Variants in CSMD1 observed in about 807,000 individuals in gnomAD.
CSMD1 encodes CUB and Sushi multiple domains 1.
A neutral mutation model predicts 417.5 loss-of-function variants in CSMD1; 213 were observed. The observed-to-expected ratio is 0.51, with a 90% CI of 0.46 to 0.57. The LOEUF (loss-of-function observed/expected upper bound fraction) is 0.57, where lower values mean the gene tolerates loss of function less well. CSMD1 is among the 20% of genes least tolerant of loss of function. The pLI, the probability that CSMD1 is intolerant of heterozygous loss-of-function variation, is 0.00. For missense variants in CSMD1, 6,923 were observed against 4,529.7 expected (o/e 1.53, Z -15.17); for synonymous variants, 2,862 against 1,736.8 (o/e 1.65, Z -16.11).
chr8:3,554,614 G>T (rs1174837005), intron 10 of CSMD1, among the ~76,000 whole-genome samples: 1 of 152,322 alleles, frequency 6.6e-6, no homozygotes, highest in South Asian at 2.1e-4. Context: ...GGCCAAAGAG[G>T]ATCTGAGCAG....
intron 2 of CSMD1, among the ~76,000 whole-genome samples, chr8:4,607,216 A>C (rs1800923708): frequency 6.6e-6 from 1 of 152,186 alleles, no homozygotes; most frequent in Non-Finnish European, 1.5e-5. Flanking sequence ...AGAGGTAGAC[A>C]ATGGGCAAAT....
At chr8:2,956,696 TCCA>T (rs1481265425) in intron 63 of CSMD1, among the ~76,000 whole-genome samples, 2 of 152,088 alleles carry the variant, frequency 1.3e-5, no homozygotes, top group Non-Finnish European at 2.9e-5. Context: ...GACCTCGTGA[TCCA>T]CCTGCCTCGG....
chr8:3,543,210 G>C (rs1798517144), intron 10 of CSMD1, among the ~76,000 whole-genome samples: 1 of 152,226 alleles, frequency 6.6e-6, no homozygotes, highest in South Asian at 2.1e-4. Flanking sequence ...GTAAGTCTTA[G>C]CAGCAAGGGA....
intron 1 of CSMD1, among the ~76,000 whole-genome samples, chr8:4,980,975 T>C (rs917660988): frequency 6.6e-6 from 1 of 152,198 alleles, no homozygotes; most frequent in African/African-American, 2.4e-5. Context: ...CTTGTCCTTT[T>C]CTTCAATTTT....
chr8:3,485,676 C>G (rs1163888022), intron 11 of CSMD1, among the ~76,000 whole-genome samples: 1 of 151,950 alleles, frequency 6.6e-6, no homozygotes, highest in South Asian at 2.1e-4. Context: ...ATGAGAATCC[C>G]TTGAACTTGA....
chr8:4,865,609 G>C (rs185123766), intron 1 of CSMD1, among the ~76,000 whole-genome samples: 1 of 151,934 alleles, frequency 6.6e-6, no homozygotes, highest in East Asian at 1.9e-4. Flanking sequence ...CGCCTTTTCA[G>C]TTTCCATTTT....
chr8:3,069,795 C>G (rs1045965461), intron 49 of CSMD1, among the ~76,000 whole-genome samples: 1 of 152,198 alleles, frequency 6.6e-6, no homozygotes, highest in Non-Finnish European at 1.5e-5. Context: ...GGGGTTTCAA[C>G]CCCACATTTC....
chr8:4,193,367 A>G (rs764765857), intron 3 of CSMD1, among the ~76,000 whole-genome samples: 3 of 152,228 alleles, frequency 2.0e-5, no homozygotes, highest in Admixed American at 6.5e-5. Context: ...CTGCCAGTTT[A>G]AATGTACTGA....
intron 23 of CSMD1, among the ~76,000 whole-genome samples, chr8:3,320,406 A>C (rs944287808): frequency 6.6e-6 from 1 of 152,144 alleles, no homozygotes; most frequent in South Asian, 2.1e-4. Flanking sequence ...TACAAGAAAA[A>C]CTAAAGGATT....
intron 1 of CSMD1, among the ~76,000 whole-genome samples, chr8:4,906,858 T>C (rs1563732030): frequency 6.6e-6 from 1 of 152,202 alleles, no homozygotes; most frequent in East Asian, 1.9e-4. Context: ...GCCCCCGGCC[T>C]TGAGTTTCTT....
At chr8:3,704,067 T>C (rs1038545951) in intron 7 of CSMD1, among the ~76,000 whole-genome samples, 1 of 152,062 alleles carries the variant, frequency 6.6e-6, no homozygotes, top group African/African-American at 2.4e-5. Context: ...TGAAACTCCA[T>C]CTCAAAAAAC....
chr8:4,121,389 A>T (rs1008503368), intron 3 of CSMD1, among the ~76,000 whole-genome samples: 1 of 152,196 alleles, frequency 6.6e-6, no homozygotes, highest in Admixed American at 6.5e-5. Context: ...GGCTGGGATT[A>T]CAGGCATGAG....
At chr8:3,259,805 A>G (rs1340704980) in intron 26 of CSMD1, among the ~76,000 whole-genome samples, 1 of 152,244 alleles carries the variant, frequency 6.6e-6, no homozygotes, top group Admixed American at 6.5e-5. Context: ...ATCAGCTAGT[A>G]TTGTAGCTTG....
intron 1 of CSMD1, among the ~76,000 whole-genome samples, chr8:4,800,040 G>C (rs1225550204): frequency 6.6e-6 from 1 of 152,088 alleles, no homozygotes; most frequent in Non-Finnish European, 1.5e-5. Context: ...GTTAATTACT[G>C]TTACTATTAC....
At chr8:3,236,057 A>G (rs2116937896) in intron 26 of CSMD1, among the ~76,000 whole-genome samples, 1 of 151,402 alleles carries the variant, frequency 6.6e-6, no homozygotes, top group South Asian at 2.1e-4. Context: ...AGCTGGGACT[A>G]CAGGCGCCTA....
intron 7 of CSMD1, among the ~76,000 whole-genome samples, chr8:3,640,477 G>A (rs1358362430): frequency 4.6e-5 from 7 of 152,164 alleles, no homozygotes; most frequent in Non-Finnish European, 8.8e-5. Flanking sequence ...TAGTTGCTCA[G>A]TTTTGTCTAA....
chr8:4,088,044 C>T lies in CSMD1; in HGVS notation c.416-55945G>A, dbSNP rs147203624. On this transcript the variant is annotated intron_variant, in intron 3 of 69. Transcript: ENST00000635120. ...TCTGTGCTAAATGACACTCCCCCAG[C>T]ACCATGACCTTTGACAATCACAGTA... Among the ~76,000 whole-genome samples the T allele has an allele frequency of 8.5e-5, 13 of 152,298 alleles. No homozygotes were observed. The East Asian group carries it at 2.5e-3, about 29-fold the overall frequency.
At chr8:4,949,763 G>C (rs1035687937) in intron 1 of CSMD1, among the ~76,000 whole-genome samples, 8 of 152,274 alleles carry the variant, frequency 5.3e-5, no homozygotes, top group Admixed American at 5.2e-4. Context: ...CAAAAAAATT[G>C]ATATGAAGTT....
chr8:3,054,313 T>C (rs774838518), intron 49 of CSMD1, among the ~76,000 whole-genome samples: 1 of 152,236 alleles, frequency 6.6e-6, no homozygotes, highest in Non-Finnish European at 1.5e-5. Flanking sequence ...GATCAGGTAC[T>C]GCAACCATCA....
Sources: gnomAD v4.1 joint callset for allele counts (sites outside exome capture counted in the v4.1 genomes callset) on GRCh38, gnomAD v4.1.1 for gene constraint, MANE v1.5 for transcripts, NCBI Gene and HGNC (gene_info 2026-07-23, HGNC 2026-07-21) for gene names.